The following SV2C variants were observed in gnomAD, a reference collection of about 807,000 sequenced individuals.
SV2C encodes solute carrier family 22 member B3.
A neutral mutation model predicts 79.7 loss-of-function variants in SV2C; 49 were observed. The observed-to-expected ratio is 0.61, with a 90% CI of 0.49 to 0.78. The LOEUF (loss-of-function observed/expected upper bound fraction) is 0.78, where lower values mean the gene tolerates loss of function less well. SV2C is among the 30% of genes least tolerant of loss of function. SV2C has a pLI of 0.00. For synonymous variants in SV2C, 334 were observed against 333.2 expected, an observed-to-expected ratio of 1.00 and a Z score of -0.03; for missense variants, 833 against 912.9, an observed-to-expected ratio of 0.91 and a Z score of 1.13.
chr5:75,859,920 GCC>G, the SV2C span, among the ~76,000 whole-genome samples: 1 of 152,012 alleles, frequency 6.6e-6, no homozygotes. Context: ...CCTCCCATTT[GCC>G]CTAAGAACAA....
At chr5:75,949,464 G>C in the SV2C span, among the ~76,000 whole-genome samples, 2 of 152,026 alleles carry the variant, frequency 1.3e-5, no homozygotes, top group East Asian at 3.9e-4. Context: ...AAGAGAGATG[G>C]TGCTATGGTT....
At chr5:76,214,694 T>G (rs573390099) in intron 4 of SV2C, among the ~76,000 whole-genome samples, 1 of 152,354 alleles carries the variant, frequency 6.6e-6, no homozygotes, top group African/African-American at 2.4e-5. Context: ...CATCTTCCAT[T>G]TCTTTCATCA....
At chr5:76,340,816 T>C (rs1749427382) in intron 12 of SV2C, among the ~76,000 whole-genome samples, 1 of 152,068 alleles carries the variant, frequency 6.6e-6, no homozygotes, top group Non-Finnish European at 1.5e-5. Flanking sequence ...TGGTATGTTG[T>C]CCAGGCTGGT....
At chr5:76,042,349 T>G in the SV2C span, among the ~76,000 whole-genome samples, 2 of 152,202 alleles carry the variant, frequency 1.3e-5, no homozygotes, top group African/African-American at 4.8e-5. Context: ...TTTCACCATC[T>G]AAAAAATGAA....
At chr5:76,271,698 A>G (rs1580007756) in intron 4 of SV2C, among the ~76,000 whole-genome samples, 1 of 135,242 alleles carries the variant, frequency 7.4e-6, no homozygotes, top group South Asian at 2.2e-4. Context: ...CGAACTCCTG[A>G]CCTCCTGATC....
chr5:75,925,599 G>A, the SV2C span, among the ~76,000 whole-genome samples: 2 of 152,058 alleles, frequency 1.3e-5, no homozygotes. Context: ...GTCACCTGAG[G>A]ACTCAAGTGC....
intron 4 of SV2C, among the ~76,000 whole-genome samples, chr5:76,265,116 T>C (rs186418737): frequency 0.016 from 2,391 of 152,308 alleles, 61 homozygotes; most frequent in African/African-American, 0.052. Context: ...AGCCCCTAAC[T>C]GGGGCTGCTG....
the SV2C span, among the ~76,000 whole-genome samples, chr5:76,008,031 C>T: frequency 1.6e-4 from 25 of 152,204 alleles, no homozygotes; most frequent in African/African-American, 4.8e-4. Flanking sequence ...TGCCTCATTC[C>T]GTGAGGGTGT....
At chr5:76,153,742 T>G (rs1742634755) in intron 2 of SV2C, among the ~76,000 whole-genome samples, 1 of 152,196 alleles carries the variant, frequency 6.6e-6, no homozygotes, top group Non-Finnish European at 1.5e-5. Context: ...ATTTGCAGGC[T>G]TGTGGCTTCA....
intron 4 of SV2C, among the ~76,000 whole-genome samples, chr5:76,273,246 T>G (rs770394391): frequency 4.6e-5 from 7 of 151,330 alleles, no homozygotes; most frequent in Non-Finnish European, 8.8e-5. Context: ...TTATTATCTA[T>G]ATACAAAAGA....
chr5:76,157,527 T>A (rs1040175679), intron 2 of SV2C, among the ~76,000 whole-genome samples: 26 of 152,094 alleles, frequency 1.7e-4, no homozygotes, highest in African/African-American at 4.8e-4. Context: ...CCTCCCTTTT[T>A]AAAAACTGAT....
At chr5:76,079,703 G>A (rs549599378), upstream of SV2C, 285 of 299,180 alleles carry the variant, frequency 9.5e-4, no homozygotes, top group Non-Finnish European at 1.3e-3. Context: ...AAAGGAGATC[G>A]TCTATGTCCC....
At chr5:76,085,546 A>G (rs1747159530) in intron 1 of SV2C, among the ~76,000 whole-genome samples, 1 of 152,086 alleles carries the variant, frequency 6.6e-6, no homozygotes, top group Non-Finnish European at 1.5e-5. Flanking sequence ...TTGGGAAAAA[A>G]GAAAGAAAGG....
chr5:75,901,932 C>G, the SV2C span, among the ~76,000 whole-genome samples: 78 of 152,336 alleles, frequency 5.1e-4, no homozygotes, highest in Admixed American at 1.6e-3. Flanking sequence ...ATTTTTTAAG[C>G]CCGTCAGAAA....
the SV2C span, among the ~76,000 whole-genome samples, chr5:75,876,085 A>G: frequency 6.7e-6 from 1 of 149,966 alleles, no homozygotes; most frequent in African/African-American, 2.4e-5. Flanking sequence ...ACCCGAAGGA[A>G]TAGAAATCAT....
intron 6 of SV2C, among the ~76,000 whole-genome samples, chr5:76,289,015 G>A (rs1747455079): frequency 6.6e-6 from 1 of 151,870 alleles, no homozygotes; most frequent in Non-Finnish European, 1.5e-5. Flanking sequence ...TACTAACTGG[G>A]AATACAGGCA....
At chr5:76,296,035 GT>G in intron 9 of SV2C, 93 bp downstream of exon 9, 1 of 1,248,818 alleles carries the variant, frequency 8.0e-7, no homozygotes, top group Admixed American at 2.6e-5. Flanking sequence ...ATAGTTTTTT[GT>G]TTGTTTGTTT....
At chr5:75,902,910 G>A in the SV2C span, among the ~76,000 whole-genome samples, 1 of 152,226 alleles carries the variant, frequency 6.6e-6, no homozygotes, top group Non-Finnish European at 1.5e-5. Flanking sequence ...GGGAACTGGT[G>A]AGCAGGATGA....
At chr5:75,894,534 CAG>C in the SV2C span, among the ~76,000 whole-genome samples, 1 of 152,132 alleles carries the variant, frequency 6.6e-6, no homozygotes, top group Non-Finnish European at 1.5e-5. Flanking sequence ...GCTCCATTGA[CAG>C]AGAATTGTCA....
Sources: allele counts gnomAD v4.1 joint callset (sites outside exome capture counted in the v4.1 genomes callset), GRCh38; gene constraint gnomAD v4.1.1; transcripts MANE v1.5; gene names NCBI Gene and HGNC (gene_info 2026-07-23, HGNC 2026-07-21).